The following VEGFC variants were observed in gnomAD, a reference collection of about 807,000 sequenced individuals.
VEGFC encodes the protein FLT4 ligand DHM.
In VEGFC, 12 loss-of-function variants were observed where a neutral mutation model predicts 46.1. That is an observed-to-expected ratio of 0.26 (90% CI 0.17 to 0.42). The LOEUF is 0.42. VEGFC is among the 10% of genes least tolerant of loss of function. The probability of loss-of-function intolerance (pLI) is 1.00; values close to 1 mark genes in which losing one functional copy is unlikely to be tolerated. For missense variants in VEGFC, 488 were observed against 529.4 expected (o/e 0.92, Z 0.77); for synonymous variants, 232 against 195.5 (o/e 1.19, Z -1.56).
chr4:176,736,463 A>C (rs1431468436), intron 1 of VEGFC, among the ~76,000 whole-genome samples: 3 of 57,136 alleles, frequency 5.3e-5, no homozygotes, highest in Non-Finnish European at 2.2e-4. Flanking sequence ...CTGTGCCTCA[A>C]TTAGTTCTAC....
intron 3 of VEGFC, among the ~76,000 whole-genome samples, chr4:176,713,318 C>T (rs1023788101): frequency 2.6e-5 from 4 of 152,064 alleles, no homozygotes; most frequent in Non-Finnish European, 5.9e-5. Context: ...GGCAGTAATC[C>T]TTTGCACTAT....
At chr4:176,753,929 T>G (rs1473373179) in intron 1 of VEGFC, among the ~76,000 whole-genome samples, 2 of 152,124 alleles carry the variant, frequency 1.3e-5, no homozygotes, top group Non-Finnish European at 2.9e-5. Context: ...TAAAATTGCA[T>G]GTACTATGTT....
chr4:176,706,495 C>T (rs971279867), intron 4 of VEGFC, among the ~76,000 whole-genome samples: 2 of 151,380 alleles, frequency 1.3e-5, no homozygotes, highest in Non-Finnish European at 2.9e-5. Context: ...GGCATGGTGG[C>T]GGGCAACTGT....
At chr4:176,739,042 T>C (rs961388498) in intron 1 of VEGFC, among the ~76,000 whole-genome samples, 4 of 151,212 alleles carry the variant, frequency 2.6e-5, no homozygotes, top group Non-Finnish European at 5.9e-5. Context: ...CTGACAAACA[T>C]ATGAAATAAA....
intron 1 of VEGFC, among the ~76,000 whole-genome samples, chr4:176,766,512 G>A (rs866697770): frequency 2.6e-5 from 4 of 151,174 alleles, no homozygotes; most frequent in African/African-American, 7.3e-5. Context: ...GCTGGACCCT[G>A]AGAGATTGTG....
chr4:176,711,964 T>C (rs1247907817), intron 3 of VEGFC, among the ~76,000 whole-genome samples: 2 of 152,084 alleles, frequency 1.3e-5, no homozygotes, highest in African/African-American at 2.4e-5. Flanking sequence ...AAAAGAACTG[T>C]TTCAAAGTTA....
At chr4:176,791,853 C>T (rs1240164690) in intron 1 of VEGFC, among the ~76,000 whole-genome samples, 1 of 152,078 alleles carries the variant, frequency 6.6e-6, no homozygotes, top group African/African-American at 2.4e-5. Flanking sequence ...TCTCCAGAGC[C>T]CCGCTGACTG....
At chr4:176,747,598 C>G (rs1168222177) in intron 1 of VEGFC, among the ~76,000 whole-genome samples, 1 of 151,950 alleles carries the variant, frequency 6.6e-6, no homozygotes, top group East Asian at 1.9e-4. Context: ...TCAAGACCAT[C>G]CTGGGCAATA....
intron 1 of VEGFC, among the ~76,000 whole-genome samples, chr4:176,785,693 C>T (rs1010589273): frequency 1.1e-4 from 16 of 151,988 alleles, no homozygotes; most frequent in African/African-American, 3.9e-4. Context: ...TATAGAGATT[C>T]TAATCTTGTA....
At chr4:176,706,356 T>C (rs1407265150) in intron 4 of VEGFC, among the ~76,000 whole-genome samples, 1 of 151,672 alleles carries the variant, frequency 6.6e-6, no homozygotes, top group East Asian at 1.9e-4. Flanking sequence ...TGGCTGGGCG[T>C]GGTGGCTCAT....
chr4:176,782,593 A>G (rs1168150496), intron 1 of VEGFC, among the ~76,000 whole-genome samples: 1 of 152,170 alleles, frequency 6.6e-6, no homozygotes, highest in Admixed American at 6.5e-5. Context: ...GGGAAAACAT[A>G]ATAGCACTGA....
intron 4 of VEGFC, among the ~76,000 whole-genome samples, chr4:176,707,723 C>G (rs1007942852): frequency 2.6e-5 from 4 of 152,156 alleles, no homozygotes; most frequent in South Asian, 2.1e-4. Flanking sequence ...ATTACATGAA[C>G]AGCATTGGCA....
At chr4:176,767,123 T>TAAAA (rs70964805) in intron 1 of VEGFC, among the ~76,000 whole-genome samples, 3,052 of 50,326 alleles carry the variant, frequency 0.061, 140 homozygotes, top group African/African-American at 0.14. Context: ...TGTAGAAATC[T>TAAAA]AAAAAAAAAA....
Position 176,687,306 on chromosome 4 carries a change from T to A in VEGFC, c.1026A>T (p.Val342=), listed in dbSNP as rs752422537. The A allele has an allele frequency of 1.2e-6, 2 of 1,614,198 alleles. No individual in the cohort carries two copies. Among genetic ancestry groups the A allele is most frequent in the Non-Finnish European group, 1.7e-6 (2 of 1,180,032 alleles). ...GATTTCTGGGGCAGGTTCTTTTACATACACACTGGCATGTGTTTTCATCAA... is the reference window on the plus strand; with the variant it reads ...GATTTCTGGGGCAGGTTCTTTTACAAACACACTGGCATGTGTTTTCATCAA... ...REFDENTCQC[V]CKRTCPRNQP... is the part of the protein sequence containing the mutation. Residue 342 remains valine, a synonymous_variant, in exon 6 of 7, where the codon GTA becomes GTT. Transcript: ENST00000618562.
At chr4:176,692,648 C>T (rs1221068034) in intron 4 of VEGFC, among the ~76,000 whole-genome samples, 2 of 145,486 alleles carry the variant, frequency 1.4e-5, no homozygotes, top group African/African-American at 2.7e-5. Context: ...GCCTGCCTGC[C>T]TCTGTAGGCT....
Position 176,774,582 on chromosome 4 carries a change from A to C in VEGFC, c.147+17583T>G, listed in dbSNP as rs543427442. 2.6e-5 allele frequency among the ~76,000 whole-genome samples: 4 copies of C among 152,292 alleles called. No individual in the cohort carries two copies. The East Asian group carries it at 7.7e-4, about 29-fold the overall frequency. On this transcript the variant is annotated intron_variant, in intron 1 of 6. Transcript: ENST00000618562. ...GAGGAGAATATGAAACCAAAAATTT[A>C]AGTATCAAAGAATCAAGAAATGGAA...
chr4:176,736,665 T>C (rs1421963501), intron 1 of VEGFC, among the ~76,000 whole-genome samples: 1 of 150,696 alleles, frequency 6.6e-6, no homozygotes. Context: ...AAAAGACTCT[T>C]TCTTGGTTGT....
At chr4:176,743,815 AC>A (rs548017553) in intron 1 of VEGFC, among the ~76,000 whole-genome samples, 86 of 151,956 alleles carry the variant, frequency 5.7e-4, no homozygotes, top group African/African-American at 2.0e-3. Flanking sequence ...AATAAAAATC[AC>A]CTTTCTAACC....
intron 1 of VEGFC, among the ~76,000 whole-genome samples, chr4:176,746,311 T>A (rs567785706): frequency 6.6e-6 from 1 of 152,054 alleles, no homozygotes; most frequent in East Asian, 1.9e-4. Flanking sequence ...TTATGAGAAT[T>A]CTAAACTTAT....
Sources: gnomAD v4.1 joint callset for allele counts (sites outside exome capture counted in the v4.1 genomes callset) on GRCh38, gnomAD v4.1.1 for gene constraint, MANE v1.5 for transcripts, NCBI Gene and HGNC (gene_info 2026-07-23, HGNC 2026-07-21) for gene names.